Variants in OSBPL3 observed in about 807,000 individuals in gnomAD.
The protein encoded by OSBPL3 is oxysterol binding protein like 3.
OSBPL3 carries 65 observed loss-of-function variants against 120.1 expected under a neutral mutation model. The observed-to-expected ratio is 0.54, with a 90% CI of 0.44 to 0.67. The LOEUF (loss-of-function observed/expected upper bound fraction) is 0.67. Among genes scored for constraint, OSBPL3 ranks in the 30% least tolerant of loss-of-function variants. The pLI, the probability that OSBPL3 is intolerant of heterozygous loss-of-function variation, is 0.00. For missense variants in OSBPL3, 1,004 were observed against 1,082.1 expected, an observed-to-expected ratio of 0.93 and a Z score of 1.01; for synonymous variants, 416 against 402.6, an observed-to-expected ratio of 1.03 and a Z score of -0.40.
intron 1 of OSBPL3, among the ~76,000 whole-genome samples, chr7:24,911,203 G>C (rs991684879): frequency 6.6e-6 from 1 of 152,204 alleles, no homozygotes; most frequent in Non-Finnish European, 1.5e-5. Flanking sequence ...TGACTTAGCA[G>C]TTTAAAGGGT....
rs200381752 is a variant in OSBPL3 at position 24,806,882 on chromosome 7, C to T, written c.2338G>A (p.Glu780Lys). The T allele has an allele frequency of 7.4e-5, 120 of 1,611,712 alleles. No homozygotes were observed. Among genetic ancestry groups the T allele is most frequent in the Non-Finnish European group, 9.1e-5 (107 of 1,178,980 alleles). The change falls in exon 21 of 23, where the codon GAG becomes AAG. Residue 780 changes from glutamate to lysine, a missense_variant. Glu to Lys is a moderately conservative substitution (Grantham distance 56). Transcript: ENST00000313367. The surrounding 1 kb of genome is among the most constrained non-coding windows in gnomAD (Gnocchi z 5.2). ...WRANPMPKGY[E>K]QYYSFTQFAL... is the part of the protein sequence containing the mutation. ...AACTGTGTGAAGCTATAGTATTGCT[C>T]GTAGCCTTTCGGCATAGGATCTAAG...
intron 1 of OSBPL3, among the ~76,000 whole-genome samples, chr7:24,941,019 C>G (rs1813040838): frequency 6.6e-6 from 1 of 152,084 alleles, no homozygotes; most frequent in Admixed American, 6.5e-5. Context: ...CGGGGTTTCA[C>G]CATGTTAGCC....
intron 1 of OSBPL3, among the ~76,000 whole-genome samples, chr7:24,934,101 T>A (rs1812103015): frequency 6.6e-6 from 1 of 152,212 alleles, no homozygotes; most frequent in Non-Finnish European, 1.5e-5. Context: ...TGGAGCAGTC[T>A]TTTACATGAA....
Position 24,842,346 on chromosome 7 carries a change from G to C in OSBPL3, c.1334C>G (p.Thr445Ser), listed in dbSNP as rs866501010. 1.9e-6 allele frequency: 3 copies of C among 1,612,128 alleles called. No individual in the cohort carries two copies. The highest frequency in any genetic ancestry group is 3.3e-4 in the Middle Eastern group (2 of 6,054). ...QLSNESRLSI[T>S]DSLSEFFDAQ... ...ATCAAAAAACTCAGAAAGGGAGTCA[G>C]TGATGGAGAGTCTACTTTCATTAGA... is the stretch of plus-strand genomic sequence containing the variant. The change falls in exon 13 of 23, where the codon ACT (threonine) becomes AGT (serine). Residue 445 changes from threonine (T) to serine (S), a missense_variant. Transcript: ENST00000313367.
chr7:24,826,660 C>T (rs1157545360), intron 16 of OSBPL3, among the ~76,000 whole-genome samples: 1 of 152,164 alleles, frequency 6.6e-6, no homozygotes, highest in East Asian at 1.9e-4. Context: ...ATCCCTGCCT[C>T]ACCTTCCACA....
chr7:24,970,645 G>A (rs1354855551), intron 1 of OSBPL3, among the ~76,000 whole-genome samples: 1 of 152,158 alleles, frequency 6.6e-6, no homozygotes, highest in Non-Finnish European at 1.5e-5. Context: ...ATCCCGAACT[G>A]AAGTGAATAT....
Position 24,817,756 on chromosome 7 carries a change from C to T in OSBPL3, c.1949-1068G>A, listed in dbSNP as rs1207637711. Among the ~76,000 whole-genome samples the T allele has an allele frequency of 2.6e-5, 4 of 152,222 alleles. No homozygotes were observed. The highest frequency in any genetic ancestry group is 9.6e-5 in the African/African-American group (4 of 41,522). On this transcript the variant is annotated intron_variant, in intron 17 of 22. Coordinates refer to ENST00000313367, the MANE Select transcript of OSBPL3 (RefSeq NM_015550.4). This position sits in a 1 kb window ranked among gnomAD's most constrained non-coding sequence, Gnocchi z 4.0. ...GGATGAAGGGAACCAAGACAACAGA[C>T]GCGGGGAAGTGAGTGAGCCCAGAAA...
intron 2 of OSBPL3, among the ~76,000 whole-genome samples, chr7:24,880,034 C>T (rs1422273548): frequency 1.3e-5 from 2 of 152,148 alleles, no homozygotes; most frequent in African/African-American, 2.4e-5. Context: ...ATGAAAACAT[C>T]CAGCCCATAA....
chr7:24,943,282 T>C (rs767264623), intron 1 of OSBPL3, among the ~76,000 whole-genome samples: 2 of 152,084 alleles, frequency 1.3e-5, no homozygotes, highest in Non-Finnish European at 2.9e-5. Flanking sequence ...CACTCCCCAA[T>C]ACTCTAGGTC....
intron 1 of OSBPL3, among the ~76,000 whole-genome samples, chr7:24,969,027 T>C (rs974749944): frequency 6.6e-6 from 1 of 152,238 alleles, no homozygotes; most frequent in Middle Eastern, 3.2e-3. Context: ...GGACTGTTAT[T>C]GCTGATTCAA....
At chr7:24,801,797 C>A (rs943462309) in intron 22 of OSBPL3, among the ~76,000 whole-genome samples, 4 of 151,254 alleles carry the variant, frequency 2.6e-5, no homozygotes, top group Non-Finnish European at 5.9e-5. Context: ...TTATCATTTG[C>A]TCTTTATAGG....
chr7:24,865,822 G>A (rs1189831633), intron 6 of OSBPL3, among the ~76,000 whole-genome samples: 3 of 152,154 alleles, frequency 2.0e-5, no homozygotes, highest in Non-Finnish European at 2.9e-5. Flanking sequence ...TCAGGATAAA[G>A]CTAGTTCATT....
chr7:24,943,303 A>G (rs1813311613), intron 1 of OSBPL3, among the ~76,000 whole-genome samples: 1 of 152,230 alleles, frequency 6.6e-6, no homozygotes, highest in South Asian at 2.1e-4. Context: ...ACACCACAGC[A>G]AATCATGACA....
rs1813871646 is a variant in OSBPL3 at position 24,947,556 on chromosome 7, T to A, written c.-150+32330A>T. 6.6e-6 allele frequency among the ~76,000 whole-genome samples: 1 copy of A among 152,150 alleles called. No homozygotes were observed. The highest frequency in any genetic ancestry group is 2.1e-4 in the South Asian group (1 of 4,816). On this transcript the variant is annotated intron_variant, in intron 1 of 22. Transcript: ENST00000313367. The surrounding 1 kb of genome is among the most constrained non-coding windows in gnomAD (Gnocchi z 4.4). ...TCAAGAAATGAATTTCAAAGTAACA[T>A]TTTTAGCATAATATTTAATCCCTAA...
Position 24,806,282 on chromosome 7 carries a change from T to C in OSBPL3, c.2444+494A>G, listed in dbSNP as rs1335282128. ...TTTTCTTTCCTTGGGCTTCTAGATTTTGAGTCTTAATTAGAAAGGCCTTAG... is the reference window on the plus strand; with the variant it reads ...TTTTCTTTCCTTGGGCTTCTAGATTCTGAGTCTTAATTAGAAAGGCCTTAG... On this transcript the variant is annotated intron_variant, in intron 21 of 22. Coordinates refer to ENST00000313367, the MANE Select transcript of OSBPL3 (RefSeq NM_015550.4). This position sits in a 1 kb window ranked among gnomAD's most constrained non-coding sequence, Gnocchi z 5.2. 1.3e-5 allele frequency among the ~76,000 whole-genome samples: 2 copies of C among 152,186 alleles called. No individual in the cohort carries two copies. Among genetic ancestry groups the C allele is most frequent in the Non-Finnish European group, 2.9e-5 (2 of 68,034 alleles).
intron 10 of OSBPL3, among the ~76,000 whole-genome samples, chr7:24,859,205 AG>A (rs1800198620): frequency 6.6e-6 from 1 of 152,220 alleles, no homozygotes; most frequent in African/African-American, 2.4e-5. Context: ...AGAGAGCTGA[AG>A]GAATCAGTAA....
rs1265189182 is a variant in OSBPL3 at position 24,818,107 on chromosome 7, A to G, written c.1949-1419T>C. On this transcript the variant is annotated intron_variant, in intron 17 of 22. Transcript: ENST00000313367. The surrounding 1 kb of genome is among the most constrained non-coding windows in gnomAD (Gnocchi z 4.0). Reference sequence around the variant, plus strand: ...TAATCCTATTTATATAAAATGCCCCAAACAGGCACATTTATAGGCTGGGGA... The same window carrying G: ...TAATCCTATTTATATAAAATGCCCCGAACAGGCACATTTATAGGCTGGGGA... 6.6e-6 allele frequency among the ~76,000 whole-genome samples: 1 copy of G among 152,178 alleles called. No individual in the cohort carries two copies. The highest frequency in any genetic ancestry group is 2.4e-5 in the African/African-American group (1 of 41,438).
intron 16 of OSBPL3, among the ~76,000 whole-genome samples, chr7:24,828,208 T>C (rs928421280): frequency 1.3e-5 from 2 of 152,150 alleles, no homozygotes; most frequent in African/African-American, 4.8e-5. Context: ...GTATTCTTAG[T>C]AGAGATGGGG....
At chr7:24,882,488 C>T (rs903536927) in intron 2 of OSBPL3, among the ~76,000 whole-genome samples, 2 of 152,114 alleles carry the variant, frequency 1.3e-5, no homozygotes, top group African/African-American at 4.8e-5. Flanking sequence ...TTTTCGTCAT[C>T]CATGCAATCA....
Sources: gnomAD v4.1 joint callset for allele counts (sites outside exome capture counted in the v4.1 genomes callset) on GRCh38, gnomAD v4.1.1 for gene constraint, Gnocchi (gnomAD v3.1) non-coding constraint, MANE v1.5 for transcripts, NCBI Gene and HGNC (gene_info 2026-07-23, HGNC 2026-07-21) for gene names.